The following BBS12 variants were observed in gnomAD, a reference collection of about 807,000 sequenced individuals.
BBS12 encodes the protein chaperonin-containing T-complex member BBS12.
BBS12 carries 5 observed loss-of-function variants against 5.6 expected under a neutral mutation model. That is an observed-to-expected ratio of 0.89 (90% CI 0.46 to 1.86). The LOEUF (loss-of-function observed/expected upper bound fraction) is 1.86. BBS12 is among the 40% of genes most tolerant of loss of function. The probability of loss-of-function intolerance (pLI) is 0.01; values close to 1 mark genes in which losing one functional copy is unlikely to be tolerated. For missense variants in BBS12, 748 were observed against 830.4 expected (o/e 0.90, Z 1.22); for synonymous variants, 308 against 306.8 (o/e 1.00, Z -0.04).
the BBS12 span, among the ~76,000 whole-genome samples, chr4:122,706,127 T>G: frequency 6.6e-6 from 1 of 152,172 alleles, no homozygotes; most frequent in African/African-American, 2.4e-5. Flanking sequence ...CAGGTCTGTG[T>G]CCTCCCACAC....
chr4:122,711,839 T>A, the BBS12 span, among the ~76,000 whole-genome samples: 1 of 152,338 alleles, frequency 6.6e-6, no homozygotes, highest in South Asian at 2.1e-4. Flanking sequence ...ATTTTGGATG[T>A]GTCTGTAAGG....
rs1027374564 is a variant in BBS12, at chr4:122,744,365, G to A, written c.*340G>A. 3 of 282,190 alleles carry A rather than the reference G, an allele frequency of 1.1e-5. No individual in the cohort carries two copies. Among genetic ancestry groups the A allele is most frequent in the African/African-American group, 6.9e-5 (3 of 43,734 alleles). The allele number at this position is 282,190 out of a possible 1,614,324, so 17.5% of individuals were successfully genotyped here. On this transcript the variant is annotated 3_prime_UTR_variant, in exon 2 of 2. Coordinates refer to ENST00000314218, the MANE Select transcript of BBS12 (RefSeq NM_152618.3). ...CACAGGAGGAACACAAAGGGCCCAT[G>A]ATGAAAGCCTGCACACAGTGGGTTA...
At chr4:122,726,356 T>TA in the BBS12 span, among the ~76,000 whole-genome samples, 3 of 151,774 alleles carry the variant, frequency 2.0e-5, no homozygotes, top group East Asian at 1.9e-4. Flanking sequence ...GAAATGCAAA[T>TA]AAAAAACCAC....
the BBS12 span, among the ~76,000 whole-genome samples, chr4:122,706,295 C>A: frequency 6.6e-6 from 1 of 152,136 alleles, no homozygotes; most frequent in Non-Finnish European, 1.5e-5. Context: ...AAAGAAAATT[C>A]TACTGTAGTC....
the BBS12 span, among the ~76,000 whole-genome samples, chr4:122,716,637 A>ATT: frequency 1.2e-5 from 1 of 81,178 alleles, no homozygotes; most frequent in Non-Finnish European, 2.7e-5. Context: ...ACATATGTAT[A>ATT]TACACACGTG....
At chr4:122,731,915 GC>G (rs1318939303), upstream of BBS12, 1 of 152,162 alleles carries the variant, frequency 6.6e-6, no homozygotes, top group Non-Finnish European at 1.5e-5. Flanking sequence ...ATATCGTTTT[GC>G]TAATGCAGGG....
chr4:122,707,666 C>T, the BBS12 span, among the ~76,000 whole-genome samples: 1 of 152,310 alleles, frequency 6.6e-6, no homozygotes, highest in Non-Finnish European at 1.5e-5. Context: ...TGGAAGCCTC[C>T]ACCCCTAGCC....
rs755507052 is a variant in BBS12, at chr4:122,742,478, T to G, written c.586T>G (p.Ser196Ala). The G allele has an allele frequency of 8.7e-6, 14 of 1,614,042 alleles. No individual in the cohort carries two copies. Among genetic ancestry groups the G allele is most frequent in the Non-Finnish European group, 1.1e-5 (13 of 1,179,974 alleles). Residue 196 changes from serine to alanine, a missense_variant, in exon 2 of 2, where the codon TCA becomes GCA. Coordinates refer to ENST00000314218, the MANE Select transcript of BBS12 (RefSeq NM_152618.3). ...ISNLSGRPLK[S>A]YELFKPQTKV... ...CAACCTTTCTGGGAGACCTCTTAAA[T>G]CATATGAATTATTTAAACCTCAGAC...
At chr4:122,719,567 C>A in the BBS12 span, among the ~76,000 whole-genome samples, 1 of 151,814 alleles carries the variant, frequency 6.6e-6, no homozygotes, top group Admixed American at 6.6e-5. Context: ...CAAACAACTC[C>A]GGACGCACCA....
the BBS12 span, among the ~76,000 whole-genome samples, chr4:122,710,571 TG>T: frequency 6.6e-6 from 1 of 151,932 alleles, no homozygotes; most frequent in Non-Finnish European, 1.5e-5. Context: ...CGTGTTACAG[TG>T]GAAAGAAAAA....
the BBS12 span, among the ~76,000 whole-genome samples, chr4:122,703,211 A>G: frequency 6.6e-6 from 1 of 152,156 alleles, no homozygotes; most frequent in Admixed American, 6.5e-5. Flanking sequence ...AGTGGGCAGA[A>G]TTGCTGTATT....
At chr4:122,706,046 T>G in the BBS12 span, among the ~76,000 whole-genome samples, 122 of 152,304 alleles carry the variant, frequency 8.0e-4, 1 homozygote, top group African/African-American at 2.9e-3. Context: ...TGATTAAATT[T>G]TATTGGGCCT....
At chr4:122,733,057 G>A (rs1351642650) in intron 1 of BBS12, among the ~76,000 whole-genome samples, 173 bp downstream of exon 1, 1 of 152,216 alleles carries the variant, frequency 6.6e-6, no homozygotes, top group African/African-American at 2.4e-5. Flanking sequence ...TAGAGGAAGA[G>A]GGGACTGCCC....
At chr4:122,718,193 A>T in the BBS12 span, among the ~76,000 whole-genome samples, 4 of 152,174 alleles carry the variant, frequency 2.6e-5, no homozygotes, top group Non-Finnish European at 4.4e-5. Context: ...AAATAAAAAT[A>T]AGACACCAGG....
chr4:122,715,313 T>G, the BBS12 span, among the ~76,000 whole-genome samples: 1 of 149,858 alleles, frequency 6.7e-6, no homozygotes. Flanking sequence ...AGTCCTTATC[T>G]CTATTTGAAA....
rs1474900361 is a variant in BBS12, at chr4:122,742,956, G to A, written c.1064G>A (p.Arg355Gln). The change falls in exon 2 of 2, where the codon CGA becomes CAA. Residue 355 changes from arginine (R) to glutamine (Q), a missense_variant. Transcript: ENST00000314218. ...VIKELQNQPV[R>Q]IVLIEGDLTE... is the part of the protein sequence containing the mutation. ...AAGGAATTGCAGAATCAGCCTGTGCGAATAGTTCTCATTGAGGGTGACCTC... is the reference window on the plus strand; with the variant it reads ...AAGGAATTGCAGAATCAGCCTGTGCAAATAGTTCTCATTGAGGGTGACCTC... 14 of 1,614,060 alleles carry A rather than the reference G, an allele frequency of 8.7e-6. No individual in the cohort carries two copies. Among genetic ancestry groups the A allele is most frequent in the Admixed American group, 5.0e-5 (3 of 59,998 alleles).
intron 1 of BBS12, among the ~76,000 whole-genome samples, chr4:122,739,165 A>C (rs2150734305): frequency 6.6e-6 from 1 of 152,360 alleles, no homozygotes; most frequent in South Asian, 2.1e-4. Flanking sequence ...TGGACCTGCC[A>C]GCATTTTGAT....
the BBS12 span, among the ~76,000 whole-genome samples, chr4:122,710,344 G>T: frequency 6.6e-6 from 1 of 152,146 alleles, no homozygotes; most frequent in Non-Finnish European, 1.5e-5. Flanking sequence ...AAGATCTAAG[G>T]CAGGAGAAAC....
At chr4:122,713,112 C>G in the BBS12 span, among the ~76,000 whole-genome samples, 1 of 152,050 alleles carries the variant, frequency 6.6e-6, no homozygotes, top group Non-Finnish European at 1.5e-5. Context: ...CACTTTTCGA[C>G]TTATTTATTA....
Sources: allele counts gnomAD v4.1 joint callset (sites outside exome capture counted in the v4.1 genomes callset), GRCh38; gene constraint gnomAD v4.1.1; transcripts MANE v1.5; gene names NCBI Gene and HGNC (gene_info 2026-07-23, HGNC 2026-07-21).